KLKB1: variants seen among roughly 807,000 people sequenced by gnomAD.
KLKB1 encodes kallikrein B1, also known as plasma kallikrein.
Under a neutral mutation model 73.6 loss-of-function variants are expected in KLKB1, and 58 were observed. The observed-to-expected ratio is 0.79, with a 90% CI of 0.64 to 0.98. KLKB1 has a LOEUF of 0.98. Ranked by LOEUF, KLKB1 falls within the 50% of genes least tolerant of loss-of-function variation. The pLI, the probability that KLKB1 is intolerant of heterozygous loss-of-function variation, is 0.00. For missense variants in KLKB1, 737 were observed against 763.8 expected (o/e 0.96, Z 0.41); for synonymous variants, 280 against 258.1 (o/e 1.08, Z -0.81).
At chr4:186,243,805 CG>C (rs4253366) in intron 6 of KLKB1, among the ~76,000 whole-genome samples, 3,615 of 152,190 alleles carry the variant, frequency 0.024, 112 homozygotes, top group African/African-American at 0.083. Flanking sequence ...GGTAGTGGAG[CG>C]GGGCAGAGCA....
intron 2 of KLKB1, among the ~76,000 whole-genome samples, chr4:186,229,259 G>A (rs559895599): frequency 6.6e-6 from 1 of 152,054 alleles, no homozygotes. Flanking sequence ...GGAAAATCAG[G>A]GATGTAAGTA....
rs147666093 is a variant in KLKB1, at chr4:186,252,105, G to C, written c.1233G>C (p.Lys411Asn). ...EWPWQVSLQVKLTAQRHLCGG... is the reference protein window; with the variant it reads ...EWPWQVSLQVNLTAQRHLCGG... ...CCTGGCAGGTGAGCCTGCAGGTGAA[G>C]CTGACAGCTCAGAGGCACCTGTGTG... Residue 411 changes from lysine to asparagine, a missense_variant, in exon 11 of 15, where the codon AAG (lysine) becomes AAC (asparagine). Lys to Asn is a moderately conservative substitution (Grantham distance 94, BLOSUM62 0). Transcript: ENST00000264690. The C allele has an allele frequency of 4.4e-5, 71 of 1,613,914 alleles. No homozygotes were observed. Among genetic ancestry groups the C allele is most frequent in the Non-Finnish European group, 5.6e-5 (66 of 1,180,016 alleles).
chr4:186,251,895 G>A, intron 10 of KLKB1, 34 bp downstream of exon 10: 1 of 1,598,468 alleles, frequency 6.3e-7, no homozygotes, highest in Non-Finnish European at 8.6e-7. Context: ...GACCTGTCAG[G>A]GATGTCTGTC....
At chr4:186,220,848 C>T (rs893263039) in intron 2 of KLKB1, among the ~76,000 whole-genome samples, 28 of 102,552 alleles carry the variant, frequency 2.7e-4, no homozygotes, top group Admixed American at 5.0e-4. Context: ...GGAAGTGTTT[C>T]CTCCTTTTCA....
chr4:186,225,900 T>C (rs1305530263), upstream of KLKB1, among the ~76,000 whole-genome samples: 2 of 152,178 alleles, frequency 1.3e-5, no homozygotes, highest in Non-Finnish European at 2.9e-5. Flanking sequence ...TTCTAATGCA[T>C]ATTAATTTTC....
At chr4:186,243,563 C>G (rs1367764350) in intron 6 of KLKB1, among the ~76,000 whole-genome samples, 2 of 152,166 alleles carry the variant, frequency 1.3e-5, no homozygotes, top group Non-Finnish European at 2.9e-5. Flanking sequence ...GTGGCCCTTG[C>G]AGTGAATGGC....
chr4:186,244,005 GCC>G (rs747063509), intron 6 of KLKB1, among the ~76,000 whole-genome samples: 2 of 152,102 alleles, frequency 1.3e-5, no homozygotes, highest in Non-Finnish European at 2.9e-5. Context: ...GGGGGTGGGG[GCC>G]AGCCTAAAAC....
In KLKB1 at chr4:186,250,393, A is replaced by G. The variant is rs1473667964; in HGVS notation, c.749A>G (p.Glu250Gly). 2.5e-6 allele frequency: 4 copies of G among 1,613,982 alleles called. No homozygotes were observed. The East Asian group carries it at 8.9e-5, about 36-fold the overall frequency. Residue 250 changes from glutamate (E) to glycine (G), a missense_variant, in exon 7 of 15, where the codon GAG becomes GGG. Physicochemically the swap from Glu to Gly is moderately conservative, Grantham distance 98 (BLOSUM62 -2). Transcript: ENST00000264690. ...TTCTATACAAATGTATGGAAAATCG[A>G]GTCACAAAGGCGAGTATGCATGGAA... The part of the protein sequence containing the change: ...FTFYTNVWKI[E>G]SQRNVCLLKT...
intron 6 of KLKB1, among the ~76,000 whole-genome samples, chr4:186,238,973 A>G (rs1324755790): frequency 8.0e-6 from 1 of 124,938 alleles, no homozygotes; most frequent in African/African-American, 3.1e-5. Context: ...TTAGAGTTAT[A>G]GGACAGTGAT....
intron 2 of KLKB1, among the ~76,000 whole-genome samples, chr4:186,215,309 C>CCTTT (rs1736862156): frequency 6.9e-6 from 1 of 144,036 alleles, no homozygotes; most frequent in South Asian, 2.3e-4. Context: ...AGGAGAGTAG[C>CCTTT]CTTTCTTTCT....
At chr4:186,217,127 A>C (rs1381070583) in intron 2 of KLKB1, among the ~76,000 whole-genome samples, 1 of 152,084 alleles carries the variant, frequency 6.6e-6, no homozygotes, top group Non-Finnish European at 1.5e-5. Flanking sequence ...TTTTAGTTTT[A>C]TTGTGCTACT....
chr4:186,251,856 A>G lies in KLKB1; in HGVS notation c.1139A>G (p.Asn380Ser). ...YSLRLCNTGD[N>S]SVCTTKTSTR... ...TTGAGATTGTGTAACACTGGGGACAACTCTGGTGAGTAACCTCACTTTTTC... is the reference window on the plus strand; with the variant it reads ...TTGAGATTGTGTAACACTGGGGACAGCTCTGGTGAGTAACCTCACTTTTTC... The change falls in exon 10 of 15, where the codon AAC becomes AGC. Residue 380 changes from asparagine (N) to serine (S), a missense_variant. Coordinates refer to ENST00000264690, the MANE Select transcript of KLKB1 (RefSeq NM_000892.5). The G allele has an allele frequency of 6.2e-7, 1 of 1,611,896 alleles. No individual in the cohort carries two copies. Among genetic ancestry groups the G allele is most frequent in the Non-Finnish European group, 8.5e-7 (1 of 1,178,400 alleles).
rs200255707 is a variant in KLKB1, at chr4:186,258,117, C to G, written c.1822C>G (p.Pro608Ala). ...TGAAGGCTGTGCCCGCAGGGAGCAA[C>G]CTGGTGTCTACACCAAAGTCGCTGA... is the stretch of plus-strand genomic sequence containing the variant. The part of the protein sequence containing the change: ...WGEGCARREQ[P>A]GVYTKVAEYM... Residue 608 changes from proline to alanine, a missense_variant, in exon 15 of 15, where the codon CCT becomes GCT. Transcript: ENST00000264690. The G allele has an allele frequency of 2.0e-5, 32 of 1,613,976 alleles. No individual in the cohort carries two copies. The highest frequency in any genetic ancestry group is 2.7e-5 in the Non-Finnish European group (32 of 1,179,986).
intron 6 of KLKB1, among the ~76,000 whole-genome samples, chr4:186,239,303 TTATAGGACAGTGA>T (rs1239648970): frequency 1.3e-5 from 2 of 150,608 alleles, no homozygotes; most frequent in Non-Finnish European, 3.0e-5. Flanking sequence ...ACTGTTATAG[TTATAGGACAGTGA>T]TATAGGACAG....
intron 7 of KLKB1, chr4:186,250,963 G>A: frequency 2.1e-6 from 1 of 481,190 alleles, no homozygotes. Flanking sequence ...TTTCCAGTTA[G>A]AAGGTGGAAC....
chr4:186,220,166 G>A (rs9998455), intron 2 of KLKB1, among the ~76,000 whole-genome samples: 20,330 of 151,960 alleles, frequency 0.13, 1,586 homozygotes, highest in Middle Eastern at 0.21. Context: ...AGGGGTGATG[G>A]TGAGTGGTGC....
intron 2 of KLKB1, among the ~76,000 whole-genome samples, chr4:186,215,865 G>T (rs1395199757): frequency 1.3e-5 from 2 of 152,144 alleles, no homozygotes; most frequent in African/African-American, 2.4e-5. Flanking sequence ...GTGGGATTGT[G>T]CTTCAGTTTT....
intron 2 of KLKB1, 152 bp from the exon 3 acceptor site, chr4:186,231,975 C>A: frequency 1.8e-6 from 1 of 570,304 alleles, no homozygotes; most frequent in East Asian, 2.9e-5. Flanking sequence ...CAAATAGTTG[C>A]CTTAATATAT....
chr4:186,234,307 G>A (rs768067154), intron 4 of KLKB1, among the ~76,000 whole-genome samples: 4 of 152,196 alleles, frequency 2.6e-5, no homozygotes, highest in Non-Finnish European at 5.9e-5. Flanking sequence ...AAGATTTGCA[G>A]AAAATGAATC....
Sources: allele counts gnomAD v4.1 joint callset (sites outside exome capture counted in the v4.1 genomes callset), GRCh38; gene constraint gnomAD v4.1.1; transcripts MANE v1.5; gene names NCBI Gene and HGNC (gene_info 2026-07-23, HGNC 2026-07-21).